The following EML5 variants were observed in gnomAD, a reference collection of about 807,000 sequenced individuals.
The protein encoded by EML5 is EMAP like 5, also known as echinoderm microtubule-associated protein-like 5.
Under a neutral mutation model 250.0 loss-of-function variants are expected in EML5, and 120 were observed. The observed-to-expected ratio is 0.48, with a 90% CI of 0.41 to 0.56. The LOEUF (loss-of-function observed/expected upper bound fraction) is 0.56, where lower values mean the gene tolerates loss of function less well. Among genes scored for constraint, EML5 ranks in the 20% least tolerant of loss-of-function variants. The probability of loss-of-function intolerance (pLI) is 0.00; values close to 1 mark genes in which losing one functional copy is unlikely to be tolerated. For missense variants in EML5, 2,006 were observed against 2,437.6 expected (o/e 0.82, Z 3.73); for synonymous variants, 771 against 806.5 (o/e 0.96, Z 0.75).
intron 8 of EML5, among the ~76,000 whole-genome samples, chr14:88,721,792 C>T (rs1019508162): frequency 4.6e-5 from 7 of 152,002 alleles, no homozygotes; most frequent in Admixed American, 2.6e-4. Context: ...TAAAGAGCTT[C>T]GGCACAATAA....
intron 39 of EML5, 59 bp from the exon 40 acceptor site, chr14:88,618,871 G>T: frequency 2.1e-6 from 3 of 1,462,120 alleles, no homozygotes; most frequent in Non-Finnish European, 2.7e-6. Flanking sequence ...AAATACTTAA[G>T]ATCAGTGACT....
intron 42 of EML5, 78 bp from the exon 43 acceptor site, chr14:88,616,320 CTA>C: frequency 7.3e-7 from 1 of 1,364,374 alleles, no homozygotes; most frequent in South Asian, 1.2e-5. Context: ...ACTATAATCT[CTA>C]TGACAAGAGC....
In EML5 at chr14:88,615,051, G is replaced by A. The variant is rs2087373162; in HGVS notation, c.*767C>T. 6.6e-6 allele frequency: 1 copy of A among 152,092 alleles called. No individual in the cohort carries two copies. The highest frequency in any genetic ancestry group is 2.4e-5 in the African/African-American group (1 of 41,414). The allele number at this position is 152,092 out of a possible 1,614,324, so 9.4% of individuals were successfully genotyped here. On this transcript the variant is annotated 3_prime_UTR_variant, in exon 44 of 44. Coordinates refer to ENST00000554922, the MANE Select transcript of EML5 (RefSeq NM_183387.3). ...AAACCCTTACATTGTACACCATTGG[G>A]AATGATTGTTCATCATACTACTTTT...
At chr14:88,729,153 C>T (rs1051563290) in intron 7 of EML5, among the ~76,000 whole-genome samples, 4 of 151,678 alleles carry the variant, frequency 2.6e-5, no homozygotes, top group Non-Finnish European at 5.9e-5. Context: ...TGTGTGTGTA[C>T]GTGTACATAT....
intron 2 of EML5, among the ~76,000 whole-genome samples, chr14:88,749,153 A>T (rs770927195): frequency 6.6e-6 from 1 of 152,200 alleles, no homozygotes; most frequent in African/African-American, 2.4e-5. Context: ...TGCTGAAGCC[A>T]TCGCTAAAGG....
At chr14:88,659,293 C>T (rs1030566862) in intron 25 of EML5, among the ~76,000 whole-genome samples, 7 of 151,652 alleles carry the variant, frequency 4.6e-5, no homozygotes, top group Non-Finnish European at 1.0e-4. Flanking sequence ...CCCACTGTAA[C>T]CTCCGCCTCC....
chr14:88,751,315 A>C (rs2094090653), intron 2 of EML5, among the ~76,000 whole-genome samples: 1 of 152,192 alleles, frequency 6.6e-6, no homozygotes, highest in Non-Finnish European at 1.5e-5. Flanking sequence ...TTAATCCATT[A>C]ATTGGAAGAG....
At chr14:88,642,550 C>T (rs943246546) in intron 31 of EML5, among the ~76,000 whole-genome samples, 7 of 152,128 alleles carry the variant, frequency 4.6e-5, no homozygotes, top group African/African-American at 1.7e-4. Flanking sequence ...CCATCCAAAC[C>T]ATCTATTCTC....
At chr14:88,730,230 T>A (rs571494646) in intron 7 of EML5, among the ~76,000 whole-genome samples, 5 of 152,304 alleles carry the variant, frequency 3.3e-5, no homozygotes, top group African/African-American at 9.6e-5. Flanking sequence ...GCTAAAAGGA[T>A]ACAAATATAC....
intron 27 of EML5, among the ~76,000 whole-genome samples, chr14:88,652,713 T>C (rs938027106): frequency 6.6e-6 from 1 of 152,186 alleles, no homozygotes; most frequent in Non-Finnish European, 1.5e-5. Context: ...TCTGGATCTT[T>C]TCCTTTTTTG....
intron 27 of EML5, among the ~76,000 whole-genome samples, chr14:88,656,493 G>A (rs1286113080): frequency 6.6e-6 from 1 of 152,040 alleles, no homozygotes; most frequent in African/African-American, 2.4e-5. Context: ...GGGAGGGATA[G>A]CATTAGAAGA....
intron 1 of EML5, among the ~76,000 whole-genome samples, chr14:88,766,706 G>A (rs748678392): frequency 2.5e-4 from 38 of 151,838 alleles, no homozygotes; most frequent in African/African-American, 6.5e-4. Context: ...CACCCTATTC[G>A]TACACTCCCT....
chr14:88,722,906 A>T (rs1461237685), intron 8 of EML5, among the ~76,000 whole-genome samples: 1 of 152,190 alleles, frequency 6.6e-6, no homozygotes, highest in African/African-American at 2.4e-5. Flanking sequence ...AACTTAAAAT[A>T]AAAATTAAAA....
At chr14:88,762,577 T>A (rs2094260410) in intron 1 of EML5, among the ~76,000 whole-genome samples, 1 of 152,134 alleles carries the variant, frequency 6.6e-6, no homozygotes, top group Non-Finnish European at 1.5e-5. Flanking sequence ...GAGACTTTAA[T>A]ACCCCGCTGT....
At chr14:88,714,805 T>C (rs1005724840) in intron 9 of EML5, 134 bp downstream of exon 9, 3 of 773,148 alleles carry the variant, frequency 3.9e-6, no homozygotes, top group Admixed American at 6.0e-5. Flanking sequence ...TGTAGAAAAG[T>C]CTACAATGCC....
intron 7 of EML5, among the ~76,000 whole-genome samples, chr14:88,731,533 G>A (rs1173990018): frequency 6.6e-6 from 1 of 152,094 alleles, no homozygotes; most frequent in Non-Finnish European, 1.5e-5. Context: ...AAACATACGT[G>A]TGCATGTGTC....
At chr14:88,672,844 GT>G (rs1041909390) in intron 21 of EML5, among the ~76,000 whole-genome samples, 2 of 152,130 alleles carry the variant, frequency 1.3e-5, no homozygotes, top group African/African-American at 4.8e-5. Context: ...CCAGGAAGAA[GT>G]TGAATCCCTG....
Position 88,746,052 on chromosome 14 carries a change from T to A in EML5, c.456+133A>T, listed in dbSNP as rs2094000151. On this transcript the variant is annotated intron_variant, in intron 3 of 43. Transcript: ENST00000554922. ...AGACTTTTTACATCTGTACAATTAT[T>A]TACCAATTGTAAAATTTTAATTACA... 7 of 644,976 alleles carry A rather than the reference T, an allele frequency of 1.1e-5. No individual in the cohort carries two copies. The South Asian group carries it at 1.5e-4, about 14-fold the overall frequency. The allele number at this position is 644,976 out of a possible 1,614,324, so 40.0% of individuals were successfully genotyped here. A position where few individuals can be genotyped will look rare whatever the true frequency, so the allele number is the denominator to read the frequency against.
At chr14:88,634,963 T>C (rs1449281808) in intron 32 of EML5, among the ~76,000 whole-genome samples, 1 of 152,154 alleles carries the variant, frequency 6.6e-6, no homozygotes, top group African/African-American at 2.4e-5. Context: ...ATCTAAACCT[T>C]CTGAGCTGAG....
Sources: gnomAD v4.1 joint callset for allele counts (sites outside exome capture counted in the v4.1 genomes callset) on GRCh38, gnomAD v4.1.1 for gene constraint, MANE v1.5 for transcripts, NCBI Gene and HGNC (gene_info 2026-07-23, HGNC 2026-07-21) for gene names.